The following ADGRG2 variants were observed in gnomAD, a reference collection of about 807,000 sequenced individuals.
The protein encoded by ADGRG2 is G protein-coupled receptor 64.
In ADGRG2, 26 loss-of-function variants were observed where a neutral mutation model predicts 74.1. That is an observed-to-expected ratio of 0.35 (90% CI 0.26 to 0.49). The LOEUF (loss-of-function observed/expected upper bound fraction) is 0.49. Ranked by LOEUF, ADGRG2 falls within the 20% of genes least tolerant of loss-of-function variation. The probability of loss-of-function intolerance (pLI) is 0.99; values close to 1 mark genes in which losing one functional copy is unlikely to be tolerated. For missense variants in ADGRG2, 619 were observed against 763.1 expected, an observed-to-expected ratio of 0.81 and a Z score of 2.22; for synonymous variants, 296 against 295.2, an observed-to-expected ratio of 1.00 and a Z score of -0.03.
chrX:19,035,751 A>T (rs2060925304), intron 7 of ADGRG2, 191 bp downstream of exon 7: 3 of 330,588 alleles, frequency 9.1e-6, no homozygotes. Context: ...ATCCTTTGGA[A>T]GTTTGGGAGT....
At chrX:19,049,759 T>C (rs1482414378) in intron 3 of ADGRG2, among the ~76,000 whole-genome samples, 1 of 111,124 alleles carries the variant, frequency 9.0e-6, no homozygotes, top group Non-Finnish European at 1.9e-5. Context: ...TTATCTCTGC[T>C]TCCTCCAGAA....
rs546985056 is a variant in ADGRG2 at position 19,055,567 on chromosome X, G to A, written c.118+13150C>T. 9.9e-5 allele frequency among the ~76,000 whole-genome samples: 11 copies of A among 111,097 alleles called. No individual in the cohort carries two copies. The South Asian group carries it at 1.9e-3, about 19-fold the overall frequency. ...GGCAGCACAGATATAGAGCACTTCCGTTATTGCAAAAAAATGTTCTATGAG... is the reference window on the plus strand; with the variant it reads ...GGCAGCACAGATATAGAGCACTTCCATTATTGCAAAAAAATGTTCTATGAG... On this transcript the variant is annotated intron_variant, in intron 3 of 28. Coordinates refer to ENST00000379869, the MANE Select transcript of ADGRG2 (RefSeq NM_001079858.3).
At chrX:18,995,076 A>C in intron 27 of ADGRG2, 28 bp from the exon 28 acceptor site, 17 of 1,128,463 alleles carry the variant, frequency 1.5e-5, no homozygotes, top group Non-Finnish European at 1.9e-5. Flanking sequence ...TTACAGAAAA[A>C]CAGGGCAGTA....
chrX:19,026,209 C>G (rs764696523), intron 11 of ADGRG2, among the ~76,000 whole-genome samples: 1 of 112,399 alleles, frequency 8.9e-6, no homozygotes, highest in South Asian at 3.7e-4. Flanking sequence ...AAAGATGACC[C>G]ATAAGAAGAG....
At chrX:19,026,552 A>G (rs1439246067) in intron 11 of ADGRG2, among the ~76,000 whole-genome samples, 1 of 107,881 alleles carries the variant, frequency 9.3e-6, no homozygotes, top group African/African-American at 3.4e-5. Context: ...CTGGAGTGCA[A>G]TGGTGCAATC....
intron 28 of ADGRG2, among the ~76,000 whole-genome samples, chrX:18,994,034 C>T (rs2059970674): frequency 8.9e-6 from 1 of 112,101 alleles, no homozygotes; most frequent in Admixed American, 9.4e-5. Context: ...GGAGGCATGG[C>T]AGCAATAATC....
At chrX:19,073,788 A>T (rs1261440702) in intron 2 of ADGRG2, among the ~76,000 whole-genome samples, 2 of 111,839 alleles carry the variant, frequency 1.8e-5, no homozygotes, top group Non-Finnish European at 1.9e-5. Context: ...CATAGCCACT[A>T]TGATATAGAC....
chrX:19,049,953 C>T (rs2061285803), intron 3 of ADGRG2, among the ~76,000 whole-genome samples: 1 of 111,606 alleles, frequency 9.0e-6, no homozygotes, highest in African/African-American at 3.3e-5. Flanking sequence ...GTGCGTGCAC[C>T]AGTGGTTTGG....
chrX:19,096,205 G>A (rs1419768197), intron 1 of ADGRG2, among the ~76,000 whole-genome samples: 5 of 110,233 alleles, frequency 4.5e-5, no homozygotes, highest in Non-Finnish European at 9.5e-5. Flanking sequence ...GAGGTCAGGA[G>A]TTTGAGACCA....
At chrX:19,017,492 G>A (rs1021025243) in intron 15 of ADGRG2, among the ~76,000 whole-genome samples, 1 of 111,744 alleles carries the variant, frequency 8.9e-6, no homozygotes, top group Non-Finnish European at 1.9e-5. Flanking sequence ...CAGTGGGGCT[G>A]CGTCAAAAGA....
intron 18 of ADGRG2, 145 bp downstream of exon 18, chrX:19,009,481 T>C: frequency 1.8e-6 from 1 of 551,281 alleles, no homozygotes; most frequent in Non-Finnish European, 3.1e-6. Context: ...CCCGGCTTGA[T>C]TCTATGGTGC....
At chrX:19,002,728 G>T in intron 24 of ADGRG2, 118 bp downstream of exon 24, 1 of 662,312 alleles carries the variant, frequency 1.5e-6, no homozygotes, top group Non-Finnish European at 2.4e-6. Flanking sequence ...AGAGTATAAA[G>T]CTGTTTTAGA....
At chrX:19,070,919 T>C (rs762414165) in intron 2 of ADGRG2, among the ~76,000 whole-genome samples, 1 of 111,860 alleles carries the variant, frequency 8.9e-6, no homozygotes, top group South Asian at 3.8e-4. Flanking sequence ...CAAGAAATCT[T>C]TGCACAGTGG....
chrX:19,036,169 T>C (rs766687043), intron 6 of ADGRG2, 192 bp from the exon 7 acceptor site: 9 of 315,289 alleles, frequency 2.9e-5, no homozygotes, highest in Non-Finnish European at 4.9e-5. Flanking sequence ...CTGGAGACAA[T>C]TCCGGAGCAA....
At chrX:19,079,698 T>C (rs1387442834) in intron 2 of ADGRG2, among the ~76,000 whole-genome samples, 1 of 112,194 alleles carries the variant, frequency 8.9e-6, no homozygotes, top group East Asian at 2.8e-4. Context: ...ATCTCTAGAA[T>C]CAAATGGAAG....
At position 19,049,067 on chromosome X, in the gene ADGRG2, G is replaced by A. The variant is rs775157200; in HGVS notation, c.119-8843C>T. Reference sequence around the variant, plus strand: ...ACTCAGCCATCCTGGCCTCCCTGCCGTTTCTCCAACACACCAAGCATATTC... The same window carrying A: ...ACTCAGCCATCCTGGCCTCCCTGCCATTTCTCCAACACACCAAGCATATTC... On this transcript the variant is annotated intron_variant, in intron 3 of 28. Coordinates refer to ENST00000379869, the MANE Select transcript of ADGRG2 (RefSeq NM_001079858.3). 6.3e-5 allele frequency among the ~76,000 whole-genome samples: 7 copies of A among 111,725 alleles called. No homozygotes were observed. In the South Asian group the frequency reaches 1.9e-3, roughly 30 times the overall value.
chrX:19,039,290 G>A (rs1243423595), intron 4 of ADGRG2: 4 of 329,625 alleles, frequency 1.2e-5, no homozygotes, highest in Admixed American at 3.1e-5. Flanking sequence ...TCTATAACAC[G>A]AATATTTCCT....
intron 2 of ADGRG2, among the ~76,000 whole-genome samples, chrX:19,070,226 G>T (rs778403379): frequency 3.1e-4 from 35 of 112,599 alleles, no homozygotes; most frequent in Non-Finnish European, 6.4e-4. Flanking sequence ...CCTTTTTGTT[G>T]CATATTATTT....
At chrX:19,032,702 G>A (rs1430564755) in intron 8 of ADGRG2, 1 of 111,558 alleles carries the variant, frequency 9.0e-6, no homozygotes, top group Non-Finnish European at 1.9e-5. Context: ...TATGGTCTCT[G>A]TTGCAACCAC....
Sources: gnomAD v4.1 joint callset for allele counts (sites outside exome capture counted in the v4.1 genomes callset) on GRCh38, gnomAD v4.1.1 for gene constraint, MANE v1.5 for transcripts, NCBI Gene and HGNC (gene_info 2026-07-23, HGNC 2026-07-21) for gene names.